The following SLC8A2 variants were observed in gnomAD, a reference collection of about 807,000 sequenced individuals.
The protein encoded by SLC8A2 is sodium/calcium exchanger 2.
SLC8A2 carries 14 observed loss-of-function variants against 70.2 expected under a neutral mutation model. That is an observed-to-expected ratio of 0.20 (90% confidence interval 0.13 to 0.31). The LOEUF is 0.31. Ranked by LOEUF, SLC8A2 falls within the 10% of genes least tolerant of loss-of-function variation. The pLI, the probability that SLC8A2 is intolerant of heterozygous loss-of-function variation, is 1.00. For synonymous variants in SLC8A2, 575 were observed against 594.3 expected (o/e 0.97, Z 0.47); for missense variants, 779 against 1,320.1 (o/e 0.59, Z 6.35).
chr19:47,442,927 C>T lies in SLC8A2; in HGVS notation c.1764-1487G>A, dbSNP rs746533809. ...TGAACTCCTGCCCTCAAGTGATCCTCCCATCTTGGCCTCCCAAAGTGCTGG... is the reference window on the plus strand; with the variant it reads ...TGAACTCCTGCCCTCAAGTGATCCTTCCATCTTGGCCTCCCAAAGTGCTGG... On this transcript the variant is annotated intron_variant, in intron 4 of 9. Transcript: ENST00000236877. Among the ~76,000 whole-genome samples, 8 of 152,290 alleles carry T rather than the reference C, an allele frequency of 5.3e-5. No individual in the cohort carries two copies. In the East Asian group the frequency reaches 1.2e-3, roughly 22 times the overall value.
chr19:47,433,965 C>A (rs1035040490), intron 8 of SLC8A2, among the ~76,000 whole-genome samples: 4 of 152,204 alleles, frequency 2.6e-5, no homozygotes, highest in Admixed American at 2.6e-4. Context: ...GCTTTTATAA[C>A]CTGAAAGCCC....
intron 6 of SLC8A2, 62 bp downstream of exon 6, chr19:47,441,107 C>T: frequency 4.6e-6 from 7 of 1,527,720 alleles, no homozygotes; most frequent in Non-Finnish European, 6.4e-6. Flanking sequence ...GGCTGGGACC[C>T]TCCCCCAGGC....
chr19:47,471,179 CAG>C (rs1351264184), intron 1 of SLC8A2, among the ~76,000 whole-genome samples: 1 of 147,314 alleles, frequency 6.8e-6, no homozygotes. Flanking sequence ...TGGGAAGAGA[CAG>C]AGACACAGAG....
At chr19:47,467,126 A>G (rs1307075653) in intron 1 of SLC8A2, among the ~76,000 whole-genome samples, 9 of 152,228 alleles carry the variant, frequency 5.9e-5, no homozygotes, top group Non-Finnish European at 4.4e-5. Context: ...CCAGAGGCCT[A>G]TCAGCAGTAA....
At chr19:47,451,440 C>T (rs1431993424) in intron 3 of SLC8A2, among the ~76,000 whole-genome samples, 4 of 152,072 alleles carry the variant, frequency 2.6e-5, no homozygotes, top group Admixed American at 1.3e-4. Context: ...TCTCGAGCAG[C>T]TGGGACTACA....
Position 47,432,872 on chromosome 19 carries a change from C to A in SLC8A2, c.2111-427G>T, listed in dbSNP as rs1051997241. On this transcript the variant is annotated intron_variant, in intron 8 of 9. Transcript: ENST00000236877. This position sits in a 1 kb window ranked among gnomAD's most constrained non-coding sequence, Gnocchi z 6.2. ...TTTGAAGCTAGGAGTGTGAATGGGC[C>A]CAGGTGACAAATATTTATTTTCCCA... Among the ~76,000 whole-genome samples, 1 of 151,666 alleles carries A rather than the reference C, an allele frequency of 6.6e-6. No individual in the cohort carries two copies. Among genetic ancestry groups the A allele is most frequent in the African/African-American group, 2.4e-5 (1 of 41,274 alleles).
chr19:47,444,165 G>C (rs1466914977), intron 4 of SLC8A2, among the ~76,000 whole-genome samples: 1 of 152,080 alleles, frequency 6.6e-6, no homozygotes, highest in Non-Finnish European at 1.5e-5. Flanking sequence ...CAGTGCTGGG[G>C]TTACAGGTGT....
chr19:47,437,787 G>A (rs1004564811), intron 7 of SLC8A2, 62 bp downstream of exon 7: 18 of 1,602,412 alleles, frequency 1.1e-5, no homozygotes, highest in South Asian at 2.2e-5. Flanking sequence ...CCCGCTTTCC[G>A]GACCCTCCCC....
intron 2 of SLC8A2, among the ~76,000 whole-genome samples, chr19:47,459,673 ATG>A (rs748987546): frequency 1.1e-3 from 162 of 143,902 alleles, no homozygotes; most frequent in African/African-American, 2.6e-3. Context: ...GTGTGTGTGC[ATG>A]TGTGTGTGTG....
In SLC8A2 at chr19:47,465,408, C is replaced by T. The variant is rs529181486; in HGVS notation, c.675+321G>A. ...AGTACATACAACACCCTTTTGGGAG[C>T]TAAAAGGTGCCCCTTCCAAGTGAGT... On this transcript the variant is annotated intron_variant, in intron 2 of 9. Coordinates refer to ENST00000236877, the MANE Select transcript of SLC8A2 (RefSeq NM_015063.3). The surrounding 1 kb of genome is among the most constrained non-coding windows in gnomAD (Gnocchi z 5.5). Among the ~76,000 whole-genome samples, 88 of 152,342 alleles carry T rather than the reference C, an allele frequency of 5.8e-4. No homozygotes were observed. The highest frequency in any genetic ancestry group is 1.1e-3 in the Non-Finnish European group (72 of 68,034).
At chr19:47,445,212 G>C (rs1271843407) in intron 4 of SLC8A2, among the ~76,000 whole-genome samples, 2 of 152,122 alleles carry the variant, frequency 1.3e-5, no homozygotes, top group Admixed American at 6.5e-5. Flanking sequence ...GGGTTCAAGC[G>C]ATTCTCCTGT....
intron 8 of SLC8A2, among the ~76,000 whole-genome samples, chr19:47,433,504 T>G (rs2122612418): frequency 6.6e-6 from 1 of 152,374 alleles, no homozygotes; most frequent in South Asian, 2.1e-4. Flanking sequence ...GCCAATGAGA[T>G]ATAAACAGAG....
At position 47,448,279 on chromosome 19, in the gene SLC8A2, G is replaced by A; in HGVS notation, c.1341-48C>T. 1 of 1,466,432 alleles carries A rather than the reference G, an allele frequency of 6.8e-7. No homozygotes were observed. The allele number at this position is 1,466,432 out of a possible 1,614,324, so 90.8% of individuals were successfully genotyped here. On this transcript the variant is annotated intron_variant, in intron 3 of 9. Transcript: ENST00000236877. This position sits in a 1 kb window ranked among gnomAD's most constrained non-coding sequence, Gnocchi z 4.8. ...AAGAGCGGGGTGAGGGTCGGTCATC[G>A]GCTGTGTGTTGTACGGGGGGAGTCT... is the stretch of plus-strand genomic sequence containing the variant.
rs1024001649 is a variant in SLC8A2, at chr19:47,468,747, C to T, written c.-16-2328G>A. Among the ~76,000 whole-genome samples, 12 of 152,314 alleles carry T rather than the reference C, an allele frequency of 7.9e-5. No individual in the cohort carries two copies. The highest frequency in any genetic ancestry group is 7.2e-4 in the Admixed American group (11 of 15,302). On this transcript the variant is annotated intron_variant, in intron 1 of 9. Coordinates refer to ENST00000236877, the MANE Select transcript of SLC8A2 (RefSeq NM_015063.3). The surrounding 1 kb of genome is among the most constrained non-coding windows in gnomAD (Gnocchi z 5.1). The stretch of plus-strand genomic sequence containing the variant: ...AGAGGACCAAGGCGCAGAGAGGTTA[C>T]GGAACTTGCCCACATCATCCAGCAC...
intron 3 of SLC8A2, among the ~76,000 whole-genome samples, chr19:47,454,854 G>A (rs530658702): frequency 2.6e-5 from 4 of 152,338 alleles, no homozygotes; most frequent in African/African-American, 9.6e-5. Context: ...GGGAGGCCGA[G>A]GCGGGTGGAT....
chr19:47,432,516 CT>C lies in SLC8A2; in HGVS notation c.2111-72del. The C allele has an allele frequency of 6.9e-7, 1 of 1,451,072 alleles. No individual in the cohort carries two copies. The highest frequency in any genetic ancestry group is 9.2e-7 in the Non-Finnish European group (1 of 1,084,908). 89.9% of individuals were successfully genotyped at this position (1,451,072 alleles called of 1,614,324 possible). ...CTTGCCTACAGAGGCCCCATTTTGTCTAACTTCCTGACAGCAAGTCCCATTG... is the reference window on the plus strand; with the variant it reads ...CTTGCCTACAGAGGCCCCATTTTGTCAACTTCCTGACAGCAAGTCCCATTG... On this transcript the variant is annotated intron_variant, in intron 8 of 9. Coordinates refer to ENST00000236877, the MANE Select transcript of SLC8A2 (RefSeq NM_015063.3). This position sits in a 1 kb window ranked among gnomAD's most constrained non-coding sequence, Gnocchi z 6.2.
intron 3 of SLC8A2, among the ~76,000 whole-genome samples, chr19:47,452,451 T>A (rs1252834776): frequency 4.2e-3 from 436 of 102,708 alleles, no homozygotes; most frequent in East Asian, 9.4e-3. Flanking sequence ...AGAGAGTGTG[T>A]GTGTGTGTGT....
chr19:47,430,486 G>C lies in SLC8A2; in HGVS notation c.2390-21C>G, dbSNP rs771430798. ...CGTGTCTGCGAGGCAGAGACATACA[G>C]GTCGGAGGGGCTTTGCGCCGCCACC... On this transcript the variant is annotated intron_variant, in intron 9 of 9. Transcript: ENST00000236877. The surrounding 1 kb of genome is among the most constrained non-coding windows in gnomAD (Gnocchi z 5.9). 1.9e-6 allele frequency: 3 copies of C among 1,565,696 alleles called. No homozygotes were observed. The highest frequency in any genetic ancestry group is 2.6e-6 in the Non-Finnish European group (3 of 1,157,558).
rs1415558484 is a variant in SLC8A2, at chr19:47,437,497, C to T, written c.2075G>A (p.Arg692Lys). 1 of 1,613,918 alleles carries T rather than the reference C, an allele frequency of 6.2e-7. No individual in the cohort carries two copies. The highest frequency in any genetic ancestry group is 8.5e-7 in the Non-Finnish European group (1 of 1,179,812). ...CGTAATTGCCTCTAAAAACTGCTCC[C>T]TCCATGAATGGGTCCCAATTACCAA... ...LALVIGTHSW[R>K]EQFLEAITVS... Residue 692 changes from arginine (R) to lysine (K), a missense_variant, in exon 8 of 10, where the codon AGG (arginine) becomes AAG (lysine). Arg to Lys is a conservative substitution (Grantham distance 26). Transcript: ENST00000236877.
Sources: gnomAD v4.1 joint callset for allele counts (sites outside exome capture counted in the v4.1 genomes callset) on GRCh38, gnomAD v4.1.1 for gene constraint, Gnocchi (gnomAD v3.1) non-coding constraint, MANE v1.5 for transcripts, NCBI Gene and HGNC (gene_info 2026-07-23, HGNC 2026-07-21) for gene names.